The following TENM4 variants were observed in gnomAD, a reference collection of about 807,000 sequenced individuals.
TENM4 encodes the protein teneurin transmembrane protein 4, also known as teneurin-4.
In TENM4, 82 loss-of-function variants were observed where a neutral mutation model predicts 243.3. The ratio of observed to expected loss-of-function variants is 0.34; its 90% confidence interval spans 0.28 to 0.40. The LOEUF (loss-of-function observed/expected upper bound fraction) is 0.40. Ranked by LOEUF, TENM4 falls within the 10% of genes least tolerant of loss-of-function variation. The probability of loss-of-function intolerance (pLI) is 1.00; values close to 1 mark genes in which losing one functional copy is unlikely to be tolerated. For missense variants in TENM4, 3,138 were observed against 3,673.3 expected (o/e 0.85, Z 3.77); for synonymous variants, 1,412 against 1,456.3 (o/e 0.97, Z 0.69).
At chr11:78,675,349 T>G (rs1858441160) in intron 30 of TENM4, among the ~76,000 whole-genome samples, 1 of 152,248 alleles carries the variant, frequency 6.6e-6, no homozygotes, top group Non-Finnish European at 1.5e-5. Flanking sequence ...GTTAGGAACA[T>G]GTAGCTCAGT....
intron 2 of TENM4, among the ~76,000 whole-genome samples, chr11:79,228,965 A>G (rs886725537): frequency 6.6e-6 from 1 of 152,208 alleles, no homozygotes; most frequent in African/African-American, 2.4e-5. Context: ...GACACATTAC[A>G]TTTAGTCATC....
intron 3 of TENM4, among the ~76,000 whole-genome samples, chr11:79,164,311 A>AGATATACTAGTATATATAGTATATC: frequency 7.9e-6 from 1 of 126,904 alleles, no homozygotes; most frequent in Non-Finnish European, 1.5e-5. Flanking sequence ...TATAGTATAT[A>AGATATACTAGTATATATAGTATATC]GATATACTAG....
At chr11:79,307,289 C>G (rs879739902) in intron 1 of TENM4, among the ~76,000 whole-genome samples, 1 of 152,154 alleles carries the variant, frequency 6.6e-6, no homozygotes, top group Non-Finnish European at 1.5e-5. Flanking sequence ...AGAGCGCCAA[C>G]AACCCAATCC....
intron 1 of TENM4, among the ~76,000 whole-genome samples, chr11:79,401,316 G>A (rs888825192): frequency 8.5e-5 from 13 of 152,158 alleles, no homozygotes; most frequent in African/African-American, 3.1e-4. Context: ...CAGACTAATG[G>A]AAGAGCCGAT....
At chr11:79,163,652 A>G (rs979626156) in intron 3 of TENM4, among the ~76,000 whole-genome samples, 2 of 151,702 alleles carry the variant, frequency 1.3e-5, no homozygotes, top group African/African-American at 4.8e-5. Flanking sequence ...CTGGTTTTCC[A>G]TTCCTGAGTT....
intron 17 of TENM4, among the ~76,000 whole-genome samples, chr11:78,772,190 T>A (rs1856659880): frequency 6.6e-6 from 1 of 152,182 alleles, no homozygotes; most frequent in Non-Finnish European, 1.5e-5. Flanking sequence ...TTTTAAAAAA[T>A]ACTATTAAAG....
intron 12 of TENM4, among the ~76,000 whole-genome samples, chr11:78,831,485 A>G (rs1170199644): frequency 1.3e-5 from 2 of 152,260 alleles, no homozygotes; most frequent in African/African-American, 2.4e-5. Context: ...TAAAGCCCAG[A>G]TGATGGAGCA....
chr11:79,076,737 T>C (rs756735902), intron 4 of TENM4, among the ~76,000 whole-genome samples: 10 of 152,148 alleles, frequency 6.6e-5, no homozygotes, highest in Non-Finnish European at 1.0e-4. Flanking sequence ...GTGGTGATGG[T>C]GATCAGGGGA....
intron 1 of TENM4, among the ~76,000 whole-genome samples, chr11:79,318,235 G>A (rs1321411553): frequency 1.3e-5 from 2 of 152,124 alleles, no homozygotes; most frequent in Non-Finnish European, 2.9e-5. Flanking sequence ...GAACAGGGGG[G>A]ATAAAAAGGC....
chr11:79,080,713 A>C (rs1377504064), intron 4 of TENM4, among the ~76,000 whole-genome samples: 1 of 152,172 alleles, frequency 6.6e-6, no homozygotes, highest in Non-Finnish European at 1.5e-5. Flanking sequence ...GTTTCCTTGT[A>C]AGCAGCACTT....
At chr11:78,900,152 A>G (rs1855896789) in intron 7 of TENM4, among the ~76,000 whole-genome samples, 1 of 152,206 alleles carries the variant, frequency 6.6e-6, no homozygotes, top group Admixed American at 6.5e-5. Flanking sequence ...CTTGACTCAC[A>G]CTGTGAAGTG....
chr11:79,317,458 G>A (rs563440749), intron 1 of TENM4, among the ~76,000 whole-genome samples: 14 of 152,172 alleles, frequency 9.2e-5, no homozygotes, highest in Non-Finnish European at 1.8e-4. Flanking sequence ...GGAACCCTAA[G>A]TTAGTTGTCA....
intron 3 of TENM4, among the ~76,000 whole-genome samples, chr11:79,154,574 C>T (rs992923081): frequency 2.0e-5 from 3 of 152,072 alleles, no homozygotes; most frequent in Admixed American, 6.5e-5. Context: ...CCATCAGGGC[C>T]CCTTGTTCCC....
chr11:79,161,433 A>G (rs1327652345), intron 3 of TENM4, among the ~76,000 whole-genome samples: 3 of 152,260 alleles, frequency 2.0e-5, no homozygotes, highest in Non-Finnish European at 2.9e-5. Flanking sequence ...AAAGATTGAT[A>G]TAAGACCACA....
At chr11:78,688,965 T>A (rs1417343919) in intron 28 of TENM4, among the ~76,000 whole-genome samples, 1 of 152,244 alleles carries the variant, frequency 6.6e-6, no homozygotes, top group African/African-American at 2.4e-5. Context: ...CCTACCATCA[T>A]TGAACACCTC....
At chr11:79,305,492 A>T (rs772305844) in intron 1 of TENM4, among the ~76,000 whole-genome samples, 33 of 152,182 alleles carry the variant, frequency 2.2e-4, no homozygotes, top group Non-Finnish European at 4.9e-4. Context: ...CTCTACCGGG[A>T]TGGAATGGGC....
At chr11:79,239,625 C>T (rs888395151) in intron 2 of TENM4, among the ~76,000 whole-genome samples, 3 of 152,192 alleles carry the variant, frequency 2.0e-5, no homozygotes, top group Non-Finnish European at 4.4e-5. Context: ...AAATACAAGA[C>T]ATGTGTCCCT....
rs1857957680 is a variant in TENM4, at chr11:78,658,598, A to G, written c.7770T>C (p.Asp2590=). Residue 2590 remains aspartate, a synonymous_variant, in exon 34 of 34, where the codon GAT becomes GAC. Coordinates refer to ENST00000278550, the MANE Select transcript of TENM4 (RefSeq NM_001098816.3). ...TCAAGATGGCAGCAACCCTTCGCCC[A>G]TCCTCATTGGCCACACTGATGATGT... The part of the protein sequence containing the change: ...TTDIISVANE[D]GRRVAAILNH... 2 of 1,613,998 alleles carry G rather than the reference A, an allele frequency of 1.2e-6. No individual in the cohort carries two copies. Among genetic ancestry groups the G allele is most frequent in the Admixed American group, 1.7e-5 (1 of 60,022 alleles).
intron 3 of TENM4, among the ~76,000 whole-genome samples, chr11:79,210,894 T>C (rs1309880858): frequency 6.6e-6 from 1 of 152,258 alleles, no homozygotes; most frequent in African/African-American, 2.4e-5. Context: ...ATACATACAT[T>C]TGTACACCAT....
Sources: allele counts gnomAD v4.1 joint callset (sites outside exome capture counted in the v4.1 genomes callset), GRCh38; gene constraint gnomAD v4.1.1; transcripts MANE v1.5; gene names NCBI Gene and HGNC (gene_info 2026-07-23, HGNC 2026-07-21).